The following PCDHGB3 variants were observed in gnomAD, a reference collection of about 807,000 sequenced individuals.
The protein encoded by PCDHGB3 is protocadherin gamma-B3.
In PCDHGB3, 40 loss-of-function variants were observed where a neutral mutation model predicts 59.2. The ratio of observed to expected loss-of-function variants is 0.68; its 90% CI spans 0.52 to 0.88. The LOEUF is 0.88. Among genes scored for constraint, PCDHGB3 ranks in the 40% least tolerant of loss-of-function variants. PCDHGB3 has a pLI of 0.00. For missense variants in PCDHGB3, 1,309 were observed against 1,187.9 expected, an observed-to-expected ratio of 1.10 and a Z score of -1.50; for synonymous variants, 581 against 503.6, an observed-to-expected ratio of 1.15 and a Z score of -2.06.
chr5:141,492,458 G>A (rs1333043781), intron 1 of PCDHGB3, among the ~76,000 whole-genome samples: 1 of 152,230 alleles, frequency 6.6e-6, no homozygotes, highest in Non-Finnish European at 1.5e-5. Flanking sequence ...GTGCGCGCCT[G>A]AGGGTCCCAG....
intron 1 of PCDHGB3, chr5:141,375,467 C>A: frequency 6.2e-7 from 1 of 1,614,008 alleles, no homozygotes; most frequent in Non-Finnish European, 8.5e-7. Flanking sequence ...AGTCTATGTC[C>A]TTGAAAACAA....
At chr5:141,433,818 C>A (rs1286718725) in intron 1 of PCDHGB3, among the ~76,000 whole-genome samples, 7 of 133,614 alleles carry the variant, frequency 5.2e-5, no homozygotes, top group African/African-American at 5.8e-5. Flanking sequence ...GCCTGGGCAA[C>A]AAGAGTGAAA....
intron 2 of PCDHGB3, among the ~76,000 whole-genome samples, chr5:141,499,670 C>T (rs1477227784): frequency 6.6e-6 from 1 of 151,412 alleles, no homozygotes; most frequent in African/African-American, 2.4e-5. Flanking sequence ...TCTTGGTCTC[C>T]ACCATCTTTA....
intron 1 of PCDHGB3, chr5:141,383,948 C>T (rs199642192): frequency 3.1e-6 from 5 of 1,613,482 alleles, no homozygotes; most frequent in East Asian, 4.5e-5. Context: ...GTGACTATGA[C>T]GTCTTTAAGT....
Position 141,476,667 on chromosome 5 carries a change from T to C in PCDHGB3, c.2416-18140T>C. 6.2e-7 allele frequency: 1 copy of C among 1,614,234 alleles called. No individual in the cohort carries two copies. Among genetic ancestry groups the C allele is most frequent in the Non-Finnish European group, 8.5e-7 (1 of 1,180,042 alleles). ...CGAAATGAATACTTTGCGCTTCGCG[T>C]GCAGACGCGGGAGGACAGCACCAAG... On this transcript the variant is annotated intron_variant, in intron 1 of 3. Transcript: ENST00000576222. The surrounding 1 kb of genome is among the most constrained non-coding windows in gnomAD (Gnocchi z 7.6).
chr5:141,404,772 G>T, intron 1 of PCDHGB3: 2 of 1,613,820 alleles, frequency 1.2e-6, no homozygotes, highest in African/African-American at 1.3e-5. Flanking sequence ...CTCTCCTACC[G>T]CCTATTCAAG....
intron 1 of PCDHGB3, among the ~76,000 whole-genome samples, chr5:141,450,006 C>CTATTTTTTTTTT (rs70988802): frequency 7.5e-6 from 1 of 132,986 alleles, no homozygotes. Context: ...TGCCATGTCT[C>CTATTTTTTTTTT]TTTTTTTTTT....
intron 1 of PCDHGB3, chr5:141,389,373 C>T (rs1561624770): frequency 3.1e-6 from 5 of 1,613,756 alleles, no homozygotes; most frequent in Non-Finnish European, 4.2e-6. Flanking sequence ...CCTGGAGCAG[C>T]GGGAGCTGTC....
At chr5:141,468,697 T>A (rs2099174099) in intron 1 of PCDHGB3, 1 of 151,646 alleles carries the variant, frequency 6.6e-6, no homozygotes, top group Non-Finnish European at 1.5e-5. Context: ...AAACCCCGTC[T>A]CTACTAAAAA....
At position 141,500,184 on chromosome 5, in the gene PCDHGB3, TTTTATTTATTTATTTA is replaced by T. The variant is rs58019021; in HGVS notation, c.2475-5182_2475-5167del. Among the ~76,000 whole-genome samples the T allele has an allele frequency of 2.1e-3, 289 of 135,964 alleles. 1 individual carries two copies. Among genetic ancestry groups the T allele is most frequent in the Middle Eastern group, 0.016 (4 of 248 alleles). The allele number at this position is 135,964 out of a possible 152,430, so 89.2% of individuals were successfully genotyped here. A position where few individuals can be genotyped will look rare whatever the true frequency, so the allele number is the denominator to read the frequency against. On this transcript the variant is annotated intron_variant, in intron 2 of 3. Coordinates refer to ENST00000576222, the MANE Select transcript of PCDHGB3 (RefSeq NM_018924.5). ...GAACATGCATGAGCTTCATTTTTAT[TTTTATTTATTTATTTA>T]TTTATTTATTTATTTATTTATTTAT...
intron 1 of PCDHGB3, chr5:141,420,078 C>T (rs764695314): frequency 6.2e-7 from 1 of 1,614,008 alleles, no homozygotes; most frequent in Non-Finnish European, 8.5e-7. Context: ...CCTGTGGGTC[C>T]CCCCAACTAC....
chr5:141,450,386 A>T (rs1208546397), intron 1 of PCDHGB3, among the ~76,000 whole-genome samples: 2 of 152,192 alleles, frequency 1.3e-5, no homozygotes, highest in Non-Finnish European at 2.9e-5. Flanking sequence ...TGAAACTGAC[A>T]TTTGTAAAGA....
intron 2 of PCDHGB3, among the ~76,000 whole-genome samples, chr5:141,502,908 C>G (rs1398336138): frequency 1.5e-5 from 2 of 132,418 alleles, no homozygotes; most frequent in Non-Finnish European, 3.0e-5. Flanking sequence ...TGTTGCCAGG[C>G]TGGAGTGCAG....
chr5:141,500,394 A>G (rs1024641290), intron 2 of PCDHGB3, among the ~76,000 whole-genome samples: 1 of 151,922 alleles, frequency 6.6e-6, no homozygotes, highest in Non-Finnish European at 1.5e-5. Flanking sequence ...TATTTTTAGT[A>G]GAGACGGGGT....
rs572457971 is a variant in PCDHGB3, at chr5:141,426,319, C to T, written c.2415+53510C>T. The T allele has an allele frequency of 1.5e-3, 257 of 175,598 alleles. 1 individual carries two copies. Among genetic ancestry groups the T allele is most frequent in the Non-Finnish European group, 1.2e-3 (99 of 79,820 alleles). 10.9% of individuals were successfully genotyped at this position (175,598 alleles called of 1,614,324 possible). ...CAGGGTGAAGCAGAGAAGCAGGACC[C>T]GGCAGTGGCAAGCACTCTTCCCTTT... is the stretch of plus-strand genomic sequence containing the variant. On this transcript the variant is annotated intron_variant, in intron 1 of 3. Coordinates refer to ENST00000576222, the MANE Select transcript of PCDHGB3 (RefSeq NM_018924.5).
intron 1 of PCDHGB3, chr5:141,374,632 A>T: frequency 1.2e-6 from 2 of 1,613,162 alleles, no homozygotes; most frequent in Non-Finnish European, 1.7e-6. Context: ...TGGACGTGCA[A>T]AGCGAAGCCC....
intron 1 of PCDHGB3, chr5:141,394,556 C>T (rs752795340): frequency 1.9e-6 from 3 of 1,614,112 alleles, no homozygotes; most frequent in Admixed American, 3.3e-5. Context: ...CGCCCCGCTC[C>T]GCAGAGCGTG....
intron 1 of PCDHGB3, chr5:141,427,774 G>C: frequency 7.0e-7 from 1 of 1,420,908 alleles, no homozygotes; most frequent in Non-Finnish European, 9.8e-7. Context: ...TTGGAGCTGC[G>C]GGCACTGTCG....
At chr5:141,501,550 A>G (rs1251701030) in intron 2 of PCDHGB3, among the ~76,000 whole-genome samples, 3 of 152,078 alleles carry the variant, frequency 2.0e-5, no homozygotes, top group Non-Finnish European at 4.4e-5. Flanking sequence ...ATAAGATCAT[A>G]GGCCCTGGAA....
Sources: gnomAD v4.1 joint callset for allele counts (sites outside exome capture counted in the v4.1 genomes callset) on GRCh38, gnomAD v4.1.1 for gene constraint, Gnocchi (gnomAD v3.1) non-coding constraint, MANE v1.5 for transcripts, NCBI Gene and HGNC (gene_info 2026-07-23, HGNC 2026-07-21) for gene names.